The following ARHGEF18 variants were observed in gnomAD, a reference collection of about 807,000 sequenced individuals.
ARHGEF18 encodes rho guanine nucleotide exchange factor 18.
Under a neutral mutation model 155.7 loss-of-function variants are expected in ARHGEF18, and 93 were observed. The ratio of observed to expected loss-of-function variants is 0.60; its 90% CI spans 0.50 to 0.71. The LOEUF is 0.71. Ranked by LOEUF, ARHGEF18 falls within the 30% of genes least tolerant of loss-of-function variation. ARHGEF18 has a pLI of 0.00. For missense variants in ARHGEF18, 1,593 were observed against 1,816.1 expected, an observed-to-expected ratio of 0.88 and a Z score of 2.23; for synonymous variants, 742 against 753.1, an observed-to-expected ratio of 0.99 and a Z score of 0.24.
chr19:7,355,798 G>T (rs1295171193), intron 1 of ARHGEF18: 7 of 826,544 alleles, frequency 8.5e-6, no homozygotes, highest in Non-Finnish European at 1.0e-5. Flanking sequence ...TTTCTTGGCT[G>T]CAGTACAGAC....
intron 13 of ARHGEF18, among the ~76,000 whole-genome samples, chr19:7,443,055 A>ATTTTTTTTTTTTTTTTTTTTT (rs10600280): frequency 1.2e-5 from 1 of 81,184 alleles, no homozygotes; most frequent in African/African-American, 5.7e-5. Flanking sequence ...TGCCCAGCTA[A>ATTTTTTTTTTTTTTTTTTTTT]TTTTTTTTTT....
intron 10 of ARHGEF18, among the ~76,000 whole-genome samples, chr19:7,411,140 C>T (rs1191363134): frequency 6.6e-6 from 1 of 152,134 alleles, no homozygotes; most frequent in Non-Finnish European, 1.5e-5. Flanking sequence ...CGCAGGGCCT[C>T]TCCACCTGAG....
At chr19:7,383,006 A>G (rs1328844442) in intron 9 of ARHGEF18, 56 bp from the exon 10 acceptor site, 13 of 1,232,360 alleles carry the variant, frequency 1.1e-5, no homozygotes, top group Admixed American at 4.2e-5. Flanking sequence ...TACACAGTAT[A>G]TAAGAGGGCC....
intron 10 of ARHGEF18, among the ~76,000 whole-genome samples, chr19:7,398,235 A>G (rs1327967447): frequency 6.6e-6 from 1 of 151,884 alleles, no homozygotes; most frequent in African/African-American, 2.4e-5. Flanking sequence ...ACGCCCAGCT[A>G]ATTTTTTGTA....
intron 10 of ARHGEF18, among the ~76,000 whole-genome samples, chr19:7,438,616 G>A (rs1430226875): frequency 6.6e-6 from 1 of 151,492 alleles, no homozygotes; most frequent in African/African-American, 2.4e-5. Flanking sequence ...TCTCCATGTT[G>A]GCTAGGCTAG....
At chr19:7,354,137 C>T (rs1200024474) in intron 1 of ARHGEF18, among the ~76,000 whole-genome samples, 2 of 151,700 alleles carry the variant, frequency 1.3e-5, no homozygotes, top group African/African-American at 4.9e-5. Flanking sequence ...TAGAAGACCC[C>T]ATCCCTACAA....
intron 2 of ARHGEF18, among the ~76,000 whole-genome samples, chr19:7,365,570 T>C (rs1969851040): frequency 6.6e-6 from 1 of 152,136 alleles, no homozygotes; most frequent in Non-Finnish European, 1.5e-5. Flanking sequence ...ATGCAGGCAG[T>C]TGGACAGGTA....
intron 5 of ARHGEF18, 123 bp from the exon 6 acceptor site, chr19:7,378,271 C>T (rs1970556982): frequency 3.3e-6 from 2 of 607,130 alleles, no homozygotes; most frequent in Non-Finnish European, 4.8e-6. Context: ...AGAGTACAGG[C>T]CCTGTCTGCA....
intron 2 of ARHGEF18, among the ~76,000 whole-genome samples, chr19:7,366,932 G>GT (rs1323143742): frequency 8.0e-4 from 114 of 143,090 alleles, no homozygotes; most frequent in East Asian, 4.2e-3. Flanking sequence ...CCGGCTAGTT[G>GT]TTTTTTTTTT....
intron 10 of ARHGEF18, among the ~76,000 whole-genome samples, chr19:7,425,156 C>T (rs1973582845): frequency 6.6e-6 from 1 of 152,116 alleles, no homozygotes; most frequent in Non-Finnish European, 1.5e-5. Context: ...CCATGACATG[C>T]AGCCAACTGG....
intron 10 of ARHGEF18, among the ~76,000 whole-genome samples, chr19:7,436,615 T>C (rs1377427770): frequency 1.3e-5 from 2 of 152,102 alleles, no homozygotes; most frequent in Non-Finnish European, 2.9e-5. Context: ...CTATGGACTA[T>C]TGTATTAGAG....
At chr19:7,362,652 C>A in intron 1 of ARHGEF18, 129 bp from the exon 2 acceptor site, 1 of 858,318 alleles carries the variant, frequency 1.2e-6, no homozygotes, top group African/African-American at 1.8e-5. Flanking sequence ...TCCCCCTCCC[C>A]TCACCAACTC....
At position 7,375,796 on chromosome 19, in the gene ARHGEF18, C is replaced by G. The variant is rs1392594523; in HGVS notation, c.352C>G (p.Pro118Ala). 1.6e-6 allele frequency: 2 copies of G among 1,234,486 alleles called. No individual in the cohort carries two copies. Among genetic ancestry groups the G allele is most frequent in the Non-Finnish European group, 2.0e-6 (2 of 988,264 alleles). 76.5% of individuals were successfully genotyped at this position (1,234,486 alleles called of 1,614,324 possible). Residue 118 changes from proline to alanine, a missense_variant, in exon 4 of 29, where the codon CCA (proline) becomes GCA (alanine). By Grantham distance (27) the Pro-to-Ala change is conservative. Coordinates refer to ENST00000668164, the MANE Select transcript of ARHGEF18 (RefSeq NM_001367823.1). ...ACTGGCCAGCCTTGCTTTGAACCTG[C>G]CAGGAGGAGGGCTGAAGACCTGGAC... Reference protein sequence around the residue: ...RTLASLALNLPGGGLKTWTQG... With the variant: ...RTLASLALNLAGGGLKTWTQG...
chr19:7,426,325 A>G (rs1973658363), intron 10 of ARHGEF18, among the ~76,000 whole-genome samples: 1 of 151,928 alleles, frequency 6.6e-6, no homozygotes, highest in South Asian at 2.1e-4. Context: ...TGTCTCTACT[A>G]AAAATAGAAA....
chr19:7,374,846 C>A (rs754207876), intron 3 of ARHGEF18, among the ~76,000 whole-genome samples: 1 of 152,152 alleles, frequency 6.6e-6, no homozygotes, highest in Non-Finnish European at 1.5e-5. Flanking sequence ...CATGAAGCCA[C>A]CATGCAGTTA....
intron 2 of ARHGEF18, among the ~76,000 whole-genome samples, chr19:7,370,157 A>T (rs2145390699): frequency 6.6e-6 from 1 of 152,138 alleles, no homozygotes; most frequent in East Asian, 1.9e-4. Flanking sequence ...AGATGGTGCC[A>T]CTCCACTCCA....
intron 10 of ARHGEF18, among the ~76,000 whole-genome samples, chr19:7,433,500 C>A (rs1330461346): frequency 9.4e-6 from 1 of 106,168 alleles, no homozygotes; most frequent in African/African-American, 3.8e-5. Flanking sequence ...GAGCAAGACT[C>A]CGTCTCCAAA....
At chr19:7,404,869 C>T (rs923722125) in intron 10 of ARHGEF18, among the ~76,000 whole-genome samples, 1 of 152,066 alleles carries the variant, frequency 6.6e-6, no homozygotes, top group Admixed American at 6.6e-5. Context: ...CATTCTATAC[C>T]GTGATCCAAT....
intron 14 of ARHGEF18, among the ~76,000 whole-genome samples, chr19:7,446,827 CAG>C (rs1333339360): frequency 6.9e-6 from 1 of 143,926 alleles, no homozygotes; most frequent in Non-Finnish European, 1.5e-5. Flanking sequence ...TCCCGGGAGA[CAG>C]AGGTTGCAGT....
Sources: gnomAD v4.1 joint callset for allele counts (sites outside exome capture counted in the v4.1 genomes callset) on GRCh38, gnomAD v4.1.1 for gene constraint, MANE v1.5 for transcripts, NCBI Gene and HGNC (gene_info 2026-07-23, HGNC 2026-07-21) for gene names.